The following FAM184B variants were observed in gnomAD, a reference collection of about 807,000 sequenced individuals.
FAM184B encodes family with sequence similarity 184 member B, also known as protein FAM184B.
Under a neutral mutation model 135.9 loss-of-function variants are expected in FAM184B, and 111 were observed. The ratio of observed to expected loss-of-function variants is 0.82; its 90% CI spans 0.70 to 0.96. The LOEUF (loss-of-function observed/expected upper bound fraction) is 0.96, where lower values mean the gene tolerates loss of function less well. FAM184B is among the 40% of genes least tolerant of loss of function. The pLI, the probability that FAM184B is intolerant of heterozygous loss-of-function variation, is 0.00. For synonymous variants in FAM184B, 552 were observed against 524.8 expected (o/e 1.05, Z -0.71); for missense variants, 1,375 against 1,323.9 (o/e 1.04, Z -0.60).
chr4:17,743,853 C>G (rs1242309383), intron 1 of FAM184B, among the ~76,000 whole-genome samples: 2 of 152,202 alleles, frequency 1.3e-5, no homozygotes, highest in Non-Finnish European at 2.9e-5. Context: ...TGCTGTATGT[C>G]AGCAGTCTAG....
intron 7 of FAM184B, among the ~76,000 whole-genome samples, chr4:17,674,786 A>C (rs1716274205): frequency 6.6e-6 from 1 of 152,170 alleles, no homozygotes; most frequent in Non-Finnish European, 1.5e-5. Flanking sequence ...AACTGAAGAG[A>C]CCACTTTCTT....
At chr4:17,761,032 T>C (rs964859400) in intron 1 of FAM184B, among the ~76,000 whole-genome samples, 2 of 152,194 alleles carry the variant, frequency 1.3e-5, no homozygotes, top group African/African-American at 4.8e-5. Context: ...ACATTTTTAG[T>C]TGAGGCCAGG....
Position 17,652,988 on chromosome 4 carries a change from G to C in FAM184B, c.2038-5C>G. 6.4e-7 allele frequency: 1 copy of C among 1,551,384 alleles called. No homozygotes were observed. The highest frequency in any genetic ancestry group is 1.4e-5 in the African/African-American group (1 of 73,134). On this transcript the variant is annotated splice_polypyrimidine_tract_variant and splice_region_variant and intron_variant, in intron 10 of 17. Coordinates refer to ENST00000265018, the MANE Select transcript of FAM184B (RefSeq NM_015688.2). ...CTTCAAGCGTTCCTCTGTGGCCTGT[G>C]GGAAAAAGTGGGAACAAGAAGGCAT...
chr4:17,719,195 G>A (rs76007570), intron 1 of FAM184B, among the ~76,000 whole-genome samples: 14,025 of 152,192 alleles, frequency 0.092, 792 homozygotes, highest in Non-Finnish European at 0.13. Context: ...CCATTATGAG[G>A]TAAGAATAAG....
chr4:17,748,504 A>AAT (rs1577288339), intron 1 of FAM184B, among the ~76,000 whole-genome samples: 1 of 100,816 alleles, frequency 9.9e-6, no homozygotes, highest in East Asian at 2.8e-4. Flanking sequence ...CCTCTTGTGT[A>AAT]ATTTTTTTTT....
At chr4:17,766,899 A>G (rs1718708614) in intron 1 of FAM184B, among the ~76,000 whole-genome samples, 1 of 152,160 alleles carries the variant, frequency 6.6e-6, no homozygotes, top group Admixed American at 6.5e-5. Flanking sequence ...ACAGGAGCCT[A>G]TGGTGCAGGG....
intron 5 of FAM184B, among the ~76,000 whole-genome samples, chr4:17,700,140 G>A (rs565731078): frequency 6.6e-6 from 1 of 152,112 alleles, no homozygotes; most frequent in Admixed American, 6.5e-5. Context: ...ACGGGAAAAG[G>A]GGGTGGGGAA....
chr4:17,646,724 TATA>T (rs1238825115), intron 12 of FAM184B, among the ~76,000 whole-genome samples: 1 of 151,010 alleles, frequency 6.6e-6, no homozygotes, highest in Non-Finnish European at 1.5e-5. Context: ...GAACTTAAAA[TATA>T]ATAATAATAA....
At chr4:17,667,286 G>A (rs1716077549) in intron 7 of FAM184B, among the ~76,000 whole-genome samples, 1 of 152,190 alleles carries the variant, frequency 6.6e-6, no homozygotes, top group Non-Finnish European at 1.5e-5. Context: ...CCCATGGAGA[G>A]AAGGGCCTGG....
chr4:17,632,553 G>T lies in FAM184B; in HGVS notation c.3162C>A (p.Phe1054Leu). ...TAGCTTAGAAAGAAAAGTACTTGGT[G>T]AACCATTCCTGGTGCGGAGAGCCCT... ...QKQGSPHQEWFTKYFSF is the reference protein window; with the variant it reads ...QKQGSPHQEWLTKYFSF Residue 1054 changes from phenylalanine to leucine, a missense_variant, in exon 18 of 18, where the codon TTC becomes TTA. Physicochemically the swap from Phe to Leu is conservative, Grantham distance 22. Coordinates refer to ENST00000265018, the MANE Select transcript of FAM184B (RefSeq NM_015688.2). 1 of 1,551,280 alleles carries T rather than the reference G, an allele frequency of 6.4e-7. No homozygotes were observed. Among genetic ancestry groups the T allele is most frequent in the South Asian group, 1.2e-5 (1 of 84,022 alleles).
Position 17,639,235 on chromosome 4 carries a change from C to A in FAM184B, c.2666+15G>T, listed in dbSNP as rs6811887. ...CATTTGCAAGACCCTCCCTGGGGCC[C>A]GAGGCCTCACTTACTCGGCTTCCAG... On this transcript the variant is annotated intron_variant, in intron 14 of 17. Transcript: ENST00000265018. 1 of 1,550,998 alleles carries A rather than the reference C, an allele frequency of 6.4e-7. No homozygotes were observed. The highest frequency in any genetic ancestry group is 8.7e-7 in the Non-Finnish European group (1 of 1,146,708).
chr4:17,680,975 G>A (rs1304887987), intron 7 of FAM184B, among the ~76,000 whole-genome samples: 4 of 152,200 alleles, frequency 2.6e-5, no homozygotes, highest in Non-Finnish European at 4.4e-5. Flanking sequence ...AACACCGAAC[G>A]TAATGGAGTT....
In FAM184B at chr4:17,739,314, C is replaced by T. The variant is rs1327766720; in HGVS notation, c.142-29670G>A. On this transcript the variant is annotated intron_variant, in intron 1 of 17. Transcript: ENST00000265018. ...GGAATCTCAAGTCTTGTCCCCAGTA[C>T]AACTGTCCCACAGTGGACATCAGAA... Among the ~76,000 whole-genome samples the T allele has an allele frequency of 2.6e-5, 4 of 152,238 alleles. No individual in the cohort carries two copies. In the East Asian group the frequency reaches 7.7e-4, roughly 29 times the overall value.
intron 7 of FAM184B, among the ~76,000 whole-genome samples, chr4:17,678,562 A>G (rs1716368285): frequency 6.6e-6 from 1 of 152,220 alleles, no homozygotes; most frequent in South Asian, 2.1e-4. Flanking sequence ...TCCCATAGTC[A>G]GGAATGGGTA....
rs71167316 is a variant in FAM184B, at chr4:17,641,461, C to CTTTTTTTTTT, written c.2519+585_2519+594dup. Among the ~76,000 whole-genome samples, 36 of 45,700 alleles carry CTTTTTTTTTT rather than the reference C, an allele frequency of 7.9e-4. 10 individuals carry two copies. Among genetic ancestry groups the CTTTTTTTTTT allele is most frequent in the African/African-American group, 1.2e-3 (14 of 11,868 alleles). 30.0% of individuals were successfully genotyped at this position (45,700 alleles called of 152,430 possible). A position where few individuals can be genotyped will look rare whatever the true frequency, so the allele number is the denominator to read the frequency against. On this transcript the variant is annotated intron_variant, in intron 13 of 17. Transcript: ENST00000265018. ...TGCAGGGAAACAAACAGGACTCCCT[C>CTTTTTTTTTT]TTTTTTTTTTTTTTTTTTTTTTTTT...
chr4:17,732,398 G>A (rs950984124), intron 1 of FAM184B, among the ~76,000 whole-genome samples: 2 of 152,162 alleles, frequency 1.3e-5, no homozygotes, highest in African/African-American at 4.8e-5. Flanking sequence ...GAATCCAGGA[G>A]CTGGTTTTTT....
chr4:17,714,186 T>C (rs1348243841), intron 1 of FAM184B, among the ~76,000 whole-genome samples: 1 of 152,154 alleles, frequency 6.6e-6, no homozygotes, highest in African/African-American at 2.4e-5. Context: ...GGATTCACGC[T>C]TTCCTTCCAC....
In FAM184B at chr4:17,632,197, C is replaced by G. The variant is rs1047623771; in HGVS notation, c.*335G>C. ...TCAAGTGATCCTCCCGCCTCAGTCC[C>G]CCAAGTACCTGGGACCACAGGCACA... On this transcript the variant is annotated 3_prime_UTR_variant, in exon 18 of 18. Transcript: ENST00000265018. 2 of 160,392 alleles carry G rather than the reference C, an allele frequency of 1.2e-5. No individual in the cohort carries two copies. Among genetic ancestry groups the G allele is most frequent in the Non-Finnish European group, 2.7e-5 (2 of 73,332 alleles). 9.9% of individuals were successfully genotyped at this position (160,392 alleles called of 1,614,324 possible). A position where few individuals can be genotyped will look rare whatever the true frequency, so the allele number is the denominator to read the frequency against.
At chr4:17,777,606 T>C (rs1718952406) in intron 1 of FAM184B, among the ~76,000 whole-genome samples, 1 of 152,134 alleles carries the variant, frequency 6.6e-6, no homozygotes, top group African/African-American at 2.4e-5. Context: ...AAACTCTGGA[T>C]TGGACAAATT....
Sources: allele counts gnomAD v4.1 joint callset (sites outside exome capture counted in the v4.1 genomes callset), GRCh38; gene constraint gnomAD v4.1.1; transcripts MANE v1.5; gene names NCBI Gene and HGNC (gene_info 2026-07-23, HGNC 2026-07-21).